TMEM50B: variants seen among roughly 807,000 people sequenced by gnomAD.
TMEM50B encodes the protein HCV p7-trans-regulated protein 3.
In TMEM50B, 14 loss-of-function variants were observed where a neutral mutation model predicts 23.4. That is an observed-to-expected ratio of 0.60 (90% CI 0.39 to 0.93). TMEM50B has a LOEUF of 0.93. Ranked by LOEUF, TMEM50B falls within the 40% of genes least tolerant of loss-of-function variation. The pLI is 0.00. For missense variants in TMEM50B, 159 were observed against 193.0 expected, an observed-to-expected ratio of 0.82 and a Z score of 1.04; for synonymous variants, 64 against 62.3, an observed-to-expected ratio of 1.03 and a Z score of -0.13.
chr21:33,452,760 G>C lies in TMEM50B; in HGVS notation c.432-1897C>G, dbSNP rs185408454. ...AGCAAAGATCCAGTCCCAACAAATT[G>C]TATGCAAAGCACCAAATAAGGGAAA... On this transcript the variant is annotated intron_variant, in intron 6 of 6. Coordinates refer to ENST00000542230, the MANE Select transcript of TMEM50B (RefSeq NM_006134.7). Among the ~76,000 whole-genome samples the C allele has an allele frequency of 7.0e-3, 1,073 of 152,294 alleles. 5 individuals are homozygous for C. Among genetic ancestry groups the C allele is most frequent in the South Asian group, 0.011 (51 of 4,834 alleles).
chr21:33,464,804 CAAA>C (rs59855166), intron 4 of TMEM50B, among the ~76,000 whole-genome samples: 22 of 100,894 alleles, frequency 2.2e-4, no homozygotes, highest in Admixed American at 7.6e-4. Flanking sequence ...AACTCCGTCT[CAAA>C]AAAAAAAAAA....
rs1431342515 is a variant in TMEM50B at position 33,468,840 on chromosome 21, T to C, written c.46A>G (p.Ile16Val). ...DNFRWPECECIDWSERRNAVA... is the reference protein window; with the variant it reads ...DNFRWPECECVDWSERRNAVA... ...GCATTTCTTCTCTCACTCCAGTCAATACATTCACATTCTGGCCAACGAAAA... is the reference window on the plus strand; with the variant it reads ...GCATTTCTTCTCTCACTCCAGTCAACACATTCACATTCTGGCCAACGAAAA... The change falls in exon 2 of 7, where the codon ATT (isoleucine) becomes GTT (valine). Residue 16 changes from isoleucine (I) to valine (V), a missense_variant. By Grantham distance (29) the Ile-to-Val change is conservative. Coordinates refer to ENST00000542230, the MANE Select transcript of TMEM50B (RefSeq NM_006134.7). 9.9e-6 allele frequency: 16 copies of C among 1,613,986 alleles called. No individual in the cohort carries two copies. The highest frequency in any genetic ancestry group is 1.3e-5 in the African/African-American group (1 of 75,018).
At chr21:33,441,991 T>C (rs2084012746) in intron 7 of TMEM50B, among the ~76,000 whole-genome samples, 1 of 138,820 alleles carries the variant, frequency 7.2e-6, no homozygotes, top group South Asian at 2.3e-4. Flanking sequence ...CTTCCCCAGC[T>C]CTATTTGTCA....
At chr21:33,446,661 A>C (rs1486381632), downstream of TMEM50B, among the ~76,000 whole-genome samples, 9 of 145,492 alleles carry the variant, frequency 6.2e-5, no homozygotes, top group African/African-American at 2.3e-4. Context: ...CACACAAAAA[A>C]AAAAAAAAAA....
chr21:33,439,464 C>T (rs558497611), intron 7 of TMEM50B, among the ~76,000 whole-genome samples: 6 of 152,196 alleles, frequency 3.9e-5, no homozygotes, highest in African/African-American at 1.4e-4. Flanking sequence ...ACTGCAACCT[C>T]TGCCTTCCGG....
intron 4 of TMEM50B, among the ~76,000 whole-genome samples, chr21:33,461,713 G>A (rs1036641869): frequency 6.6e-6 from 1 of 151,828 alleles, no homozygotes; most frequent in South Asian, 2.1e-4. Flanking sequence ...GCTGAGGCAA[G>A]AGAATTGCTT....
chr21:33,464,781 G>A, intron 4 of TMEM50B, among the ~76,000 whole-genome samples: 2 of 116,972 alleles, frequency 1.7e-5, no homozygotes, highest in South Asian at 2.9e-4. Context: ...TCCAGCCTGG[G>A]AAAGAAGAGC....
intron 1 of TMEM50B, among the ~76,000 whole-genome samples, chr21:33,477,344 A>T (rs2084382983): frequency 1.3e-5 from 2 of 151,974 alleles, no homozygotes; most frequent in African/African-American, 4.8e-5. Flanking sequence ...CTTATGAAGG[A>T]AATGTGTCCT....
intron 1 of TMEM50B, among the ~76,000 whole-genome samples, chr21:33,472,192 G>A (rs1267760488): frequency 1.3e-5 from 2 of 148,390 alleles, no homozygotes; most frequent in South Asian, 2.2e-4. Flanking sequence ...GACCATCCTG[G>A]CCAACATGGT....
chr21:33,446,260 A>C (rs2084053786), downstream of TMEM50B, among the ~76,000 whole-genome samples: 1 of 146,026 alleles, frequency 6.8e-6, no homozygotes. Context: ...TTTTTTTGAG[A>C]CAGTCTTGCT....
Position 33,451,523 on chromosome 21 carries a change from G to C in TMEM50B, c.432-660C>G, listed in dbSNP as rs149563092. On this transcript the variant is annotated intron_variant, in intron 6 of 6. Coordinates refer to ENST00000542230, the MANE Select transcript of TMEM50B (RefSeq NM_006134.7). ...GACCTAGTTAGAGAGGTCAGGAAAG[G>C]TTTTCCTGAGGAGTGGTGACTGAAT... Among the ~76,000 whole-genome samples the C allele has an allele frequency of 3.4e-3, 525 of 152,300 alleles. 2 individuals are homozygous for C. Among genetic ancestry groups the C allele is most frequent in the Non-Finnish European group, 4.4e-3 (298 of 68,032 alleles).
At chr21:33,470,470 G>A (rs935530345) in intron 1 of TMEM50B, among the ~76,000 whole-genome samples, 11 of 145,392 alleles carry the variant, frequency 7.6e-5, no homozygotes, top group Non-Finnish European at 1.2e-4. Flanking sequence ...GGTGGCTTAC[G>A]CCTGTAATCC....
intron 6 of TMEM50B, among the ~76,000 whole-genome samples, chr21:33,453,690 A>G (rs2084143155): frequency 6.6e-6 from 1 of 152,152 alleles, no homozygotes; most frequent in Non-Finnish European, 1.5e-5. Flanking sequence ...ACTTAAAACC[A>G]GTGACAAAAG....
chr21:33,465,937 T>C (rs1002322036), intron 3 of TMEM50B, among the ~76,000 whole-genome samples: 7 of 152,170 alleles, frequency 4.6e-5, no homozygotes, highest in African/African-American at 1.7e-4. Flanking sequence ...ACAATGGATA[T>C]AAGTAGTTCC....
At chr21:33,470,302 T>G (rs996150103) in intron 1 of TMEM50B, among the ~76,000 whole-genome samples, 16 of 150,644 alleles carry the variant, frequency 1.1e-4, no homozygotes, top group African/African-American at 3.7e-4. Flanking sequence ...TGAAATCCCG[T>G]CTCTACTAAA....
intron 5 of TMEM50B, 143 bp from the exon 6 acceptor site, chr21:33,455,927 T>C (rs2084164706): frequency 6.9e-6 from 5 of 728,512 alleles, no homozygotes; most frequent in Non-Finnish European, 1.3e-5. Flanking sequence ...ATAATGAAAC[T>C]GAAAGAAGAA....
chr21:33,465,716 A>G (rs944132217), intron 3 of TMEM50B, among the ~76,000 whole-genome samples: 2 of 152,218 alleles, frequency 1.3e-5, no homozygotes, highest in Admixed American at 1.3e-4. Flanking sequence ...TGAATGACTC[A>G]GTGCTATCCC....
At chr21:33,470,489 TG>T (rs938506314) in intron 1 of TMEM50B, among the ~76,000 whole-genome samples, 4 of 146,912 alleles carry the variant, frequency 2.7e-5, no homozygotes, top group African/African-American at 1.0e-4. Context: ...CCCAGCACTT[TG>T]GGAGGCCAAG....
intron 5 of TMEM50B, among the ~76,000 whole-genome samples, chr21:33,458,465 G>A (rs945002474): frequency 1.2e-4 from 19 of 152,180 alleles, no homozygotes; most frequent in Non-Finnish European, 1.2e-4. Flanking sequence ...AGTGAGCCGA[G>A]ATCACGCCAC....
Sources: allele counts gnomAD v4.1 joint callset (sites outside exome capture counted in the v4.1 genomes callset), GRCh38; gene constraint gnomAD v4.1.1; transcripts MANE v1.5; gene names NCBI Gene and HGNC (gene_info 2026-07-23, HGNC 2026-07-21).